Variants in CALCB observed in about 807,000 individuals in gnomAD.
CALCB encodes calcitonin gene-related peptide 2.
In CALCB, 8 loss-of-function variants were observed where a neutral mutation model predicts 10.7. The ratio of observed to expected loss-of-function variants is 0.75; its 90% confidence interval spans 0.44 to 1.34. The LOEUF is 1.34. Among genes scored for constraint, CALCB ranks in the 40% most tolerant of loss-of-function variants. The pLI is 0.01. For missense variants in CALCB, 176 were observed against 162.5 expected, an observed-to-expected ratio of 1.08 and a Z score of -0.45; for synonymous variants, 76 against 66.9, an observed-to-expected ratio of 1.14 and a Z score of -0.66.
At position 15,077,330 on chromosome 11, in the gene CALCB, C is replaced by T. The variant is rs1477462721; in HGVS notation, c.269C>T (p.Thr90Ile). 3 of 1,614,256 alleles carry T rather than the reference C, an allele frequency of 1.9e-6. No homozygotes were observed. The highest frequency in any genetic ancestry group is 3.3e-5 in the Admixed American group (2 of 60,036). ...KRACNTATCV[T>I]HRLAGLLSRS... ...GCCTGCAACACTGCCACCTGTGTGA[C>T]TCATCGGCTGGCAGGCTTGCTGAGC... Residue 90 changes from threonine to isoleucine, a missense_variant, in exon 4 of 5, where the codon ACT becomes ATT. By Grantham distance (89) the Thr-to-Ile change is moderately conservative (BLOSUM62 -1). Coordinates refer to ENST00000324229, the MANE Select transcript of CALCB (RefSeq NM_000728.4).
At chr11:15,077,498 A>T in intron 4 of CALCB, 28 bp downstream of exon 4, 1 of 1,603,220 alleles carries the variant, frequency 6.2e-7, no homozygotes, top group South Asian at 1.1e-5. Flanking sequence ...ATGGGATAAG[A>T]GGGGGAAGGG....
At position 15,078,458 on chromosome 11, in the gene CALCB, T is replaced by C. The variant is rs1416188332; in HGVS notation, c.*401T>C. The C allele has an allele frequency of 1.3e-5, 2 of 152,182 alleles. No individual in the cohort carries two copies. The highest frequency in any genetic ancestry group is 4.8e-5 in the African/African-American group (2 of 41,436). The allele number at this position is 152,182 out of a possible 1,614,324, so 9.4% of individuals were successfully genotyped here. A position where few individuals can be genotyped will look rare whatever the true frequency, so the allele number is the denominator to read the frequency against. On this transcript the variant is annotated 3_prime_UTR_variant, in exon 5 of 5. Coordinates refer to ENST00000324229, the MANE Select transcript of CALCB (RefSeq NM_000728.4). Reference sequence around the variant, plus strand: ...TGCTGTGCCTTGTTATCTAAGAACATGATTGTATAATTTGTTTAAGAAAAT... The same window carrying C: ...TGCTGTGCCTTGTTATCTAAGAACACGATTGTATAATTTGTTTAAGAAAAT...
At chr11:15,076,979 C>T (rs1366568929) in intron 3 of CALCB, among the ~76,000 whole-genome samples, 3 of 152,278 alleles carry the variant, frequency 2.0e-5, no homozygotes, top group Admixed American at 1.3e-4. Flanking sequence ...TCTCTGTATA[C>T]TCCTCGTGTA....
At position 15,077,290 on chromosome 11, in the gene CALCB, G is replaced by A. The variant is rs777964937; in HGVS notation, c.229G>A (p.Ala77Thr). Residue 77 changes from alanine (A) to threonine (T), a missense_variant, in exon 4 of 5, where the codon GCT becomes ACT. Coordinates refer to ENST00000324229, the MANE Select transcript of CALCB (RefSeq NM_000728.4). ...TTTCTCTATCTTGCAAATCAGCTCC[G>A]CTGCCCAGAAGAGAGCCTGCAACAC... ...QEQETQGSSS[A>T]AQKRACNTAT... 2.5e-5 allele frequency: 41 copies of A among 1,613,570 alleles called. No homozygotes were observed. The highest frequency in any genetic ancestry group is 6.7e-5 in the East Asian group (3 of 44,892).
chr11:15,074,432 C>T (rs559835091), intron 1 of CALCB, among the ~76,000 whole-genome samples: 7 of 152,336 alleles, frequency 4.6e-5, no homozygotes, highest in East Asian at 3.9e-4. Context: ...TTTGTGTGCA[C>T]GGGCGCGTGT....
At chr11:15,076,793 TG>T (rs1850399374) in intron 3 of CALCB, among the ~76,000 whole-genome samples, 1 of 152,220 alleles carries the variant, frequency 6.6e-6, no homozygotes, top group South Asian at 2.1e-4. Context: ...GTATGGGGCT[TG>T]GTGGGTCATC....
chr11:15,074,624 C>A, intron 1 of CALCB, 86 bp from the exon 2 acceptor site: 2 of 1,025,766 alleles, frequency 1.9e-6, no homozygotes, highest in Non-Finnish European at 1.5e-6. Flanking sequence ...AGTAACGTGC[C>A]TAAGGTCACA....
chr11:15,074,945 G>A, intron 2 of CALCB, 116 bp from the exon 3 acceptor site: 2 of 1,438,372 alleles, frequency 1.4e-6, no homozygotes, highest in Non-Finnish European at 9.7e-7. Flanking sequence ...TCCCCTGGGA[G>A]TCGCGGTGGC....
Position 15,077,439 on chromosome 11 carries a change from A to T in CALCB, c.378A>T (p.Gln126His). ...KAFGRRRRDL[Q>H]A ...TTGGCAGGCGCCGCAGGGACCTTCA[A>T]GCCTGAGCAGATGAATGACTCCAGG... The change falls in exon 4 of 5, where the codon CAA becomes CAT. Residue 126 changes from glutamine (Q) to histidine (H), a missense_variant. Transcript: ENST00000324229. 1 of 1,614,192 alleles carries T rather than the reference A, an allele frequency of 6.2e-7. No individual in the cohort carries two copies. The highest frequency in any genetic ancestry group is 8.5e-7 in the Non-Finnish European group (1 of 1,180,050).
intron 1 of CALCB, among the ~76,000 whole-genome samples, chr11:15,074,332 C>T (rs1850374552): frequency 6.6e-6 from 1 of 152,186 alleles, no homozygotes; most frequent in Admixed American, 6.5e-5. Context: ...GCGCGAAGCC[C>T]AGCAGAGGAG....
At chr11:15,076,077 G>A (rs1039857329) in intron 3 of CALCB, among the ~76,000 whole-genome samples, 5 of 152,010 alleles carry the variant, frequency 3.3e-5, no homozygotes, top group African/African-American at 1.2e-4. Flanking sequence ...GCTCCCACTC[G>A]ACATGTCCCC....
rs1590303535 is a variant in CALCB at position 15,078,422 on chromosome 11, G to T, written c.*365G>T. 1 of 152,144 alleles carries T rather than the reference G, an allele frequency of 6.6e-6. No homozygotes were observed. The highest frequency in any genetic ancestry group is 1.5e-5 in the Non-Finnish European group (1 of 68,036). 9.4% of individuals were successfully genotyped at this position (152,144 alleles called of 1,614,324 possible). A position where few individuals can be genotyped will look rare whatever the true frequency, so the allele number is the denominator to read the frequency against. On this transcript the variant is annotated 3_prime_UTR_variant, in exon 5 of 5. Coordinates refer to ENST00000324229, the MANE Select transcript of CALCB (RefSeq NM_000728.4). ...CCTGTTGTGGTCTCCGAGGACACAT[G>T]GTAATGGTGATGCTGTGCCTTGTTA... is the stretch of plus-strand genomic sequence containing the variant.
intron 1 of CALCB, among the ~76,000 whole-genome samples, chr11:15,073,889 G>A (rs1850370384): frequency 6.6e-6 from 1 of 152,276 alleles, no homozygotes; most frequent in African/African-American, 2.4e-5. Context: ...CCATGGCTCA[G>A]CGTGGGCGCT....
intron 4 of CALCB, 40 bp downstream of exon 4, chr11:15,077,510 C>A: frequency 6.3e-7 from 1 of 1,583,726 alleles, no homozygotes; most frequent in Admixed American, 1.8e-5. Context: ...GGGGAAGGGA[C>A]TTGGAGTTAA....
intron 3 of CALCB, among the ~76,000 whole-genome samples, chr11:15,075,806 C>T (rs1850389120): frequency 1.3e-5 from 2 of 152,134 alleles, no homozygotes; most frequent in Non-Finnish European, 2.9e-5. Context: ...GCACCGTTTC[C>T]CAGACCCACA....
At chr11:15,074,186 C>G (rs1015628059) in intron 1 of CALCB, among the ~76,000 whole-genome samples, 2 of 152,256 alleles carry the variant, frequency 1.3e-5, no homozygotes, top group African/African-American at 4.8e-5. Flanking sequence ...AAAACGCGCT[C>G]CGGCAGAGGG....
intron 3 of CALCB, among the ~76,000 whole-genome samples, chr11:15,076,881 C>T (rs575216971): frequency 6.6e-6 from 1 of 152,226 alleles, no homozygotes; most frequent in African/African-American, 2.4e-5. Context: ...TGCTGCAAAC[C>T]CTGTTCTCTG....
chr11:15,073,908 A>G (rs1440048822), intron 1 of CALCB, among the ~76,000 whole-genome samples: 1 of 152,256 alleles, frequency 6.6e-6, no homozygotes, highest in Non-Finnish European at 1.5e-5. Context: ...CTGGAAGCGC[A>G]GCGAGCGGAG....
chr11:15,074,950 G>A lies in CALCB; in HGVS notation c.87-111G>A, dbSNP rs1465542690. 8.9e-6 allele frequency: 13 copies of A among 1,460,194 alleles called. No individual in the cohort carries two copies. The African/African-American group carries it at 1.8e-4, about 20-fold the overall frequency. The allele number at this position is 1,460,194 out of a possible 1,614,324, so 90.5% of individuals were successfully genotyped here. Reference sequence around the variant, plus strand: ...CTCATGCCCGTCCCCTGGGAGTCGCGGTGGCCACATCCCCAGGGGAAGAAG... The same window carrying A: ...CTCATGCCCGTCCCCTGGGAGTCGCAGTGGCCACATCCCCAGGGGAAGAAG... On this transcript the variant is annotated intron_variant, in intron 2 of 4. Coordinates refer to ENST00000324229, the MANE Select transcript of CALCB (RefSeq NM_000728.4).
Sources: allele counts gnomAD v4.1 joint callset (sites outside exome capture counted in the v4.1 genomes callset), GRCh38; gene constraint gnomAD v4.1.1; transcripts MANE v1.5; gene names NCBI Gene and HGNC (gene_info 2026-07-23, HGNC 2026-07-21).